Variants in PDLIM1 observed in about 807,000 individuals in gnomAD.
The protein encoded by PDLIM1 is PDZ and LIM domain protein 1.
PDLIM1 carries 25 observed loss-of-function variants against 35.2 expected under a neutral mutation model. That is an observed-to-expected ratio of 0.71 (90% CI 0.52 to 0.99). PDLIM1 has a LOEUF of 0.99. Ranked by LOEUF, PDLIM1 falls within the 50% of genes least tolerant of loss-of-function variation. The pLI is 0.00. For synonymous variants in PDLIM1, 152 were observed against 154.0 expected, an observed-to-expected ratio of 0.99 and a Z score of 0.10; for missense variants, 363 against 415.3, an observed-to-expected ratio of 0.87 and a Z score of 1.09.
chr10:95,255,746 C>T (rs559525820), intron 4 of PDLIM1, among the ~76,000 whole-genome samples: 1 of 152,142 alleles, frequency 6.6e-6, no homozygotes, highest in Non-Finnish European at 1.5e-5. Flanking sequence ...ACTTTTACCA[C>T]CTCTTTTCAA....
intron 5 of PDLIM1, among the ~76,000 whole-genome samples, chr10:95,245,576 CAT>C (rs927325407): frequency 5.3e-5 from 8 of 152,144 alleles, no homozygotes; most frequent in Non-Finnish European, 1.2e-4. Flanking sequence ...TGGTTTCTCA[CAT>C]GTTTTTACAA....
chr10:95,287,810 G>T (rs1479822596), intron 1 of PDLIM1, among the ~76,000 whole-genome samples: 1 of 151,760 alleles, frequency 6.6e-6, no homozygotes, highest in African/African-American at 2.4e-5. Context: ...CGAGAATGTG[G>T]GTAAAAGAAG....
At chr10:95,281,240 C>T (rs1418585980) in intron 1 of PDLIM1, among the ~76,000 whole-genome samples, 1 of 151,768 alleles carries the variant, frequency 6.6e-6, no homozygotes, top group Non-Finnish European at 1.5e-5. Flanking sequence ...AAGGAATATC[C>T]ATTAGAATAG....
chr10:95,277,769 G>A (rs1047738672), intron 1 of PDLIM1, among the ~76,000 whole-genome samples: 1 of 152,176 alleles, frequency 6.6e-6, no homozygotes, highest in Non-Finnish European at 1.5e-5. Flanking sequence ...CAGCACCCCA[G>A]GCAGACACTG....
Position 95,247,310 on chromosome 10 carries a change from T to C in PDLIM1, c.590A>G (p.Tyr197Cys). ...SLVIDKESEV[Y>C]KMLQEKQELN... ...CTCCTGTTTCTCCTGAAGCATCTTG[T>C]AAACTTCAGATTCTTTGTCGATGAC... The change falls in exon 5 of 7, where the codon TAC becomes TGC. Residue 197 changes from tyrosine to cysteine, a missense_variant. Coordinates refer to ENST00000329399, the MANE Select transcript of PDLIM1 (RefSeq NM_020992.4). 1 of 1,613,790 alleles carries C rather than the reference T, an allele frequency of 6.2e-7. No homozygotes were observed. Among genetic ancestry groups the C allele is most frequent in the Non-Finnish European group, 8.5e-7 (1 of 1,179,646 alleles).
intron 4 of PDLIM1, 50 bp from the exon 5 acceptor site, chr10:95,247,416 T>C (rs779505413): frequency 6.7e-6 from 10 of 1,502,484 alleles, no homozygotes; most frequent in Non-Finnish European, 9.1e-6. Flanking sequence ...AAGTTAAAAA[T>C]AACTTCACCA....
At chr10:95,266,674 G>A (rs547430656) in intron 3 of PDLIM1, among the ~76,000 whole-genome samples, 26 of 152,152 alleles carry the variant, frequency 1.7e-4, no homozygotes, top group East Asian at 9.6e-4. Context: ...TCCCTCCACC[G>A]AAACACATTT....
rs1330529664 is a variant in PDLIM1 at position 95,237,912 on chromosome 10, C to A, written c.*13G>T. 1.2e-6 allele frequency: 2 copies of A among 1,611,576 alleles called. No homozygotes were observed. The highest frequency in any genetic ancestry group is 1.1e-5 in the South Asian group (1 of 90,728). ...CAGAGGCCTGCTGGAGAACAGTGGT[C>A]AGATCTGCTGGCTCACTTGGGGAAC... On this transcript the variant is annotated 3_prime_UTR_variant, in exon 7 of 7. Transcript: ENST00000329399.
intron 1 of PDLIM1, among the ~76,000 whole-genome samples, chr10:95,282,287 C>T (rs1378878469): frequency 6.6e-6 from 1 of 152,204 alleles, no homozygotes; most frequent in Non-Finnish European, 1.5e-5. Flanking sequence ...AATCTTCTGA[C>T]TCAGTATGTT....
At position 95,264,042 on chromosome 10, in the gene PDLIM1, C is replaced by A. The variant is rs775698176; in HGVS notation, c.355G>T (p.Ala119Ser). ...EPQEVLHIGS[A>S]HNRSAMPFTA... is the part of the protein sequence containing the mutation. ...AAGGGCATGGCACTTCGGTTGTGGG[C>A]GCTTCCTATGTGCAGGACCTCCTGC... The change falls in exon 4 of 7, where the codon GCC (alanine) becomes TCC (serine). Residue 119 changes from alanine (A) to serine (S), a missense_variant. Coordinates refer to ENST00000329399, the MANE Select transcript of PDLIM1 (RefSeq NM_020992.4). The A allele has an allele frequency of 6.2e-7, 1 of 1,613,444 alleles. No homozygotes were observed. The highest frequency in any genetic ancestry group is 8.5e-7 in the Non-Finnish European group (1 of 1,179,838).
intron 4 of PDLIM1, among the ~76,000 whole-genome samples, chr10:95,254,413 A>G (rs1423583588): frequency 6.6e-6 from 1 of 152,240 alleles, no homozygotes; most frequent in Non-Finnish European, 1.5e-5. Flanking sequence ...GACATTATAT[A>G]ACCACAAAAG....
At chr10:95,275,218 C>T (rs1005917333) in intron 1 of PDLIM1, among the ~76,000 whole-genome samples, 4 of 152,214 alleles carry the variant, frequency 2.6e-5, no homozygotes, top group Non-Finnish European at 5.9e-5. Flanking sequence ...CCCAACCAAT[C>T]AGCATTCACC....
At position 95,263,855 on chromosome 10, in the gene PDLIM1, G is replaced by C. The variant is rs2133426291; in HGVS notation, c.533+9C>G. The C allele has an allele frequency of 6.2e-7, 1 of 1,602,364 alleles. No individual in the cohort carries two copies. The highest frequency in any genetic ancestry group is 8.5e-7 in the Non-Finnish European group (1 of 1,173,128). ...GAGCGGCTCAGAGGAGGACTCCTGGGCTACTTACGGTCTGCTGTTCGCCTC... is the reference window on the plus strand; with the variant it reads ...GAGCGGCTCAGAGGAGGACTCCTGGCCTACTTACGGTCTGCTGTTCGCCTC... On this transcript the variant is annotated intron_variant, in intron 4 of 6. Coordinates refer to ENST00000329399, the MANE Select transcript of PDLIM1 (RefSeq NM_020992.4).
chr10:95,242,635 C>T (rs972580675), intron 5 of PDLIM1, among the ~76,000 whole-genome samples: 6 of 150,702 alleles, frequency 4.0e-5, no homozygotes, highest in African/African-American at 1.5e-4. Context: ...TGCAGTGAGA[C>T]GAGATCACGC....
At chr10:95,270,911 T>C (rs1273704679) in intron 2 of PDLIM1, among the ~76,000 whole-genome samples, 1 of 150,992 alleles carries the variant, frequency 6.6e-6, no homozygotes, top group Non-Finnish European at 1.5e-5. Context: ...CTACCACACC[T>C]GGCTAATTTT....
intron 4 of PDLIM1, among the ~76,000 whole-genome samples, chr10:95,250,071 C>A (rs1003637436): frequency 2.0e-5 from 3 of 152,192 alleles, no homozygotes; most frequent in African/African-American, 4.8e-5. Flanking sequence ...CCAGCCCTTT[C>A]TTTGAGTTAT....
At position 95,238,085 on chromosome 10, in the gene PDLIM1, C is replaced by T. The variant is rs781630484; in HGVS notation, c.830G>A (p.Arg277His). The change falls in exon 7 of 7, where the codon CGT becomes CAT. Residue 277 changes from arginine (R) to histidine (H), a missense_variant. Arg to His is a conservative substitution (Grantham distance 29). Coordinates refer to ENST00000329399, the MANE Select transcript of PDLIM1 (RefSeq NM_020992.4). Reference sequence around the variant, plus strand: ...CACATAACACTCAGGGTGGCGGTGACGGTCCCGCAGCTTCACAAACACACC... The same window carrying T: ...CACATAACACTCAGGGTGGCGGTGATGGTCCCGCAGCTTCACAAACACACC... ...IVGVFVKLRD[R>H]HRHPECYVCT... 6 of 1,613,822 alleles carry T rather than the reference C, an allele frequency of 3.7e-6. No homozygotes were observed. Among genetic ancestry groups the T allele is most frequent in the East Asian group, 2.2e-5 (1 of 44,884 alleles).
chr10:95,273,516 C>T (rs2035483147), intron 1 of PDLIM1: 1 of 152,274 alleles, frequency 6.6e-6, no homozygotes, highest in South Asian at 2.1e-4. Flanking sequence ...CTTGAGGTCC[C>T]TTCTGGCCCG....
At chr10:95,261,543 A>T (rs2035362203) in intron 4 of PDLIM1, among the ~76,000 whole-genome samples, 1 of 152,184 alleles carries the variant, frequency 6.6e-6, no homozygotes, top group African/African-American at 2.4e-5. Flanking sequence ...GAAGAGAATC[A>T]TCATCTCAAG....
Sources: allele counts gnomAD v4.1 joint callset (sites outside exome capture counted in the v4.1 genomes callset), GRCh38; gene constraint gnomAD v4.1.1; transcripts MANE v1.5; gene names NCBI Gene and HGNC (gene_info 2026-07-23, HGNC 2026-07-21).